TENM3: variants seen among roughly 807,000 people sequenced by gnomAD.
TENM3 encodes teneurin transmembrane protein 3.
In TENM3, 63 loss-of-function variants were observed where a neutral mutation model predicts 255.1. That is an observed-to-expected ratio of 0.25 (90% CI 0.20 to 0.30). The LOEUF is 0.30. Ranked by LOEUF, TENM3 falls within the 10% of genes least tolerant of loss-of-function variation. TENM3 has a pLI of 1.00. For missense variants in TENM3, 2,929 were observed against 3,461.1 expected, an observed-to-expected ratio of 0.85 and a Z score of 3.86; for synonymous variants, 1,306 against 1,322.3, an observed-to-expected ratio of 0.99 and a Z score of 0.27.
the TENM3 span, among the ~76,000 whole-genome samples, chr4:181,811,202 G>C: frequency 6.6e-6 from 1 of 152,188 alleles, no homozygotes; most frequent in Non-Finnish European, 1.5e-5. Context: ...AGGATCACTT[G>C]ACAGGCTATT....
chr4:182,638,994 G>A (rs1752076789), intron 5 of TENM3, among the ~76,000 whole-genome samples: 5 of 152,058 alleles, frequency 3.3e-5, no homozygotes, highest in Admixed American at 2.0e-4. Flanking sequence ...TTGTACAGGT[G>A]GTTTTGCAGA....
the TENM3 span, among the ~76,000 whole-genome samples, chr4:182,100,648 C>T: frequency 3.1e-4 from 26 of 83,980 alleles, no homozygotes; most frequent in African/African-American, 5.5e-4. Context: ...CATATATATA[C>T]ACATATATAC....
rs1203909326 is a variant in TENM3 at position 182,800,248 on chromosome 4, G to A, written c.7997G>A (p.Gly2666Asp). The change falls in exon 28 of 28, where the codon GGC (glycine) becomes GAC (aspartate). Residue 2666 changes from glycine (G) to aspartate (D), a missense_variant. This residue lies in a region of TENM3 where 476 missense variants were observed against 480.1 expected (regional missense o/e 0.99). Transcript: ENST00000511685. Reference sequence around the variant, plus strand: ...CTGCTGAGCGCCGGCAAGGTGCAGGGCTACGACGGGTACTACGTACTCTCG... The same window carrying A: ...CTGCTGAGCGCCGGCAAGGTGCAGGACTACGACGGGTACTACGTACTCTCG... ...RQLLSAGKVQ[G>D]YDGYYVLSVE... The A allele has an allele frequency of 1.9e-6, 3 of 1,593,874 alleles. No homozygotes were observed. The African/African-American group carries it at 4.0e-5, about 21-fold the overall frequency.
chr4:182,487,494 GT>G (rs1374534781), intron 3 of TENM3, among the ~76,000 whole-genome samples: 1 of 152,006 alleles, frequency 6.6e-6, no homozygotes, highest in Non-Finnish European at 1.5e-5. Context: ...AATAAACCCA[GT>G]TCTGGTTTCA....
the TENM3 span, among the ~76,000 whole-genome samples, chr4:181,788,083 A>G: frequency 6.6e-6 from 1 of 152,128 alleles, no homozygotes; most frequent in African/African-American, 2.4e-5. Context: ...GGCCATGGTC[A>G]CTCATCATAT....
chr4:181,896,833 T>C, the TENM3 span, among the ~76,000 whole-genome samples: 1 of 152,162 alleles, frequency 6.6e-6, no homozygotes, highest in East Asian at 1.9e-4. Flanking sequence ...ATAGCTGGGC[T>C]CTGATTAATT....
rs545056004 is a variant in TENM3, at chr4:182,615,804, T to C, written c.750-12847T>C. Among the ~76,000 whole-genome samples, 5 of 152,198 alleles carry C rather than the reference T, an allele frequency of 3.3e-5. No individual in the cohort carries two copies. In the East Asian group the frequency reaches 9.6e-4, roughly 29 times the overall value. ...CCCTTTGACTCTGAGATCCAATGGA[T>C]TGAGCGTTGTATAACTCATTTGTTC... On this transcript the variant is annotated intron_variant, in intron 4 of 27. Coordinates refer to ENST00000511685, the MANE Select transcript of TENM3 (RefSeq NM_001080477.4).
chr4:182,755,703 G>A (rs1490486157), intron 22 of TENM3, among the ~76,000 whole-genome samples: 1 of 152,136 alleles, frequency 6.6e-6, no homozygotes, highest in Non-Finnish European at 1.5e-5. Flanking sequence ...AGCCGGGCGT[G>A]GTGGCGGGCG....
chr4:181,605,561 AGAAAGAAAGAGAGAGAAAGAAAG>A, the TENM3 span, among the ~76,000 whole-genome samples: 33 of 30,022 alleles, frequency 1.1e-3, 1 homozygote, highest in African/African-American at 1.8e-3. Context: ...AAAGAAAGAA[AGAAAGAAAGAGAGAGAAAGAAAG>A]GAAAGAAAGA....
In TENM3 at chr4:182,800,157, G is replaced by C. The variant is rs1766828324; in HGVS notation, c.7906G>C (p.Glu2636Gln). ...QRALARAWAREQQRVRDGEEG... is the reference protein window; with the variant it reads ...QRALARAWARQQQRVRDGEEG... ...CGCGCTCGCCCGGGCCTGGGCGCGC[G>C]AGCAGCAGCGCGTGCGCGACGGCGA... The change falls in exon 28 of 28, where the codon GAG (glutamate) becomes CAG (glutamine). Residue 2636 changes from glutamate (E) to glutamine (Q), a missense_variant. This residue lies in a region of TENM3 where 476 missense variants were observed against 480.1 expected (regional missense o/e 0.99). Coordinates refer to ENST00000511685, the MANE Select transcript of TENM3 (RefSeq NM_001080477.4). 6.8e-7 allele frequency: 1 copy of C among 1,463,368 alleles called. No homozygotes were observed. Among genetic ancestry groups the C allele is most frequent in the Non-Finnish European group, 8.9e-7 (1 of 1,117,598 alleles). 90.6% of individuals were successfully genotyped at this position (1,463,368 alleles called of 1,614,324 possible).
chr4:182,610,286 A>C (rs1748869725), intron 4 of TENM3, among the ~76,000 whole-genome samples: 1 of 152,224 alleles, frequency 6.6e-6, no homozygotes, highest in African/African-American at 2.4e-5. Flanking sequence ...GGTTAGTCTT[A>C]CAGTGTACCA....
At chr4:182,039,718 A>G in the TENM3 span, among the ~76,000 whole-genome samples, 1 of 151,764 alleles carries the variant, frequency 6.6e-6, no homozygotes, top group Admixed American at 6.6e-5. Flanking sequence ...AAAGCCCAGA[A>G]AGTAACCTCA....
At chr4:181,758,301 A>T in the TENM3 span, among the ~76,000 whole-genome samples, 1 of 152,214 alleles carries the variant, frequency 6.6e-6, no homozygotes, top group East Asian at 1.9e-4. Context: ...GCACATCTTC[A>T]GGGGAAGGGA....
At chr4:181,540,861 A>C in the TENM3 span, among the ~76,000 whole-genome samples, 4 of 146,644 alleles carry the variant, frequency 2.7e-5, no homozygotes, top group African/African-American at 1.1e-4. Context: ...TACAGAGGAA[A>C]TCTGAATAAA....
chr4:181,899,497 C>T, the TENM3 span, among the ~76,000 whole-genome samples: 1 of 151,934 alleles, frequency 6.6e-6, no homozygotes. Flanking sequence ...TTACCCAATT[C>T]TTTATGTGGG....
the TENM3 span, among the ~76,000 whole-genome samples, chr4:181,719,014 G>A: frequency 1.3e-5 from 2 of 151,744 alleles, no homozygotes. Flanking sequence ...AGACCATCCT[G>A]GCTAACAAGG....
At chr4:182,624,878 C>G (rs1175988344) in intron 4 of TENM3, among the ~76,000 whole-genome samples, 3 of 152,120 alleles carry the variant, frequency 2.0e-5, no homozygotes, top group Admixed American at 2.0e-4. Flanking sequence ...AAATAAATAA[C>G]AAGATCACTG....
At chr4:182,318,682 G>GT (rs1478845315) in intron 1 of TENM3, among the ~76,000 whole-genome samples, 1 of 152,192 alleles carries the variant, frequency 6.6e-6, no homozygotes, top group Non-Finnish European at 1.5e-5. Flanking sequence ...TAGTAGCTGA[G>GT]TTGCGTTTCA....
chr4:181,464,603 C>CT, the TENM3 span, among the ~76,000 whole-genome samples: 1 of 151,908 alleles, frequency 6.6e-6, no homozygotes, highest in Non-Finnish European at 1.5e-5. Context: ...TGTGGGTTTT[C>CT]TTTTCATTTT....
Sources: allele counts gnomAD v4.1 joint callset (sites outside exome capture counted in the v4.1 genomes callset), GRCh38; gene constraint gnomAD v4.1.1; regional missense constraint gnomAD v4.1.1; transcripts MANE v1.5; gene names NCBI Gene and HGNC (gene_info 2026-07-23, HGNC 2026-07-21).